HFM1: variants seen among roughly 807,000 people sequenced by gnomAD.
The protein encoded by HFM1 is probable ATP-dependent DNA helicase HFM1.
Under a neutral mutation model 192.1 loss-of-function variants are expected in HFM1, and 169 were observed. The observed-to-expected ratio is 0.88, with a 90% CI of 0.78 to 1.00. HFM1 has a LOEUF of 1.00. Ranked by LOEUF, HFM1 falls within the 50% of genes least tolerant of loss-of-function variation. The pLI, the probability that HFM1 is intolerant of heterozygous loss-of-function variation, is 0.00. For synonymous variants in HFM1, 525 were observed against 537.8 expected (o/e 0.98, Z 0.33); for missense variants, 1,661 against 1,668.0 (o/e 1.00, Z 0.07).
intron 4 of HFM1, among the ~76,000 whole-genome samples, chr1:91,388,496 T>C (rs1004391622): frequency 1.3e-5 from 2 of 152,168 alleles, no homozygotes; most frequent in Admixed American, 1.3e-4. Context: ...TGACATTCAG[T>C]AGGGAAAGAA....
intron 30 of HFM1, among the ~76,000 whole-genome samples, chr1:91,305,985 A>G (rs1038131444): frequency 6.6e-6 from 1 of 152,230 alleles, no homozygotes; most frequent in Non-Finnish European, 1.5e-5. Context: ...AAAGTGTTTA[A>G]TATTTTACTA....
chr1:91,314,797 G>C (rs1570919115), intron 28 of HFM1, among the ~76,000 whole-genome samples: 2 of 152,148 alleles, frequency 1.3e-5, no homozygotes, highest in Non-Finnish European at 2.9e-5. Context: ...GTCTCATGTA[G>C]TCATAGACTT....
At chr1:91,368,654 G>C (rs929983798) in intron 13 of HFM1, among the ~76,000 whole-genome samples, 1 of 152,182 alleles carries the variant, frequency 6.6e-6, no homozygotes, top group African/African-American at 2.4e-5. Flanking sequence ...ATGCCAAATT[G>C]TAAAGACCAT....
chr1:91,277,968 T>G (rs1283738933), intron 30 of HFM1, among the ~76,000 whole-genome samples: 5 of 141,244 alleles, frequency 3.5e-5, no homozygotes, highest in Non-Finnish European at 7.6e-5. Context: ...ATACTTTATA[T>G]ACATTATATT....
intron 28 of HFM1, among the ~76,000 whole-genome samples, chr1:91,314,470 C>A (rs547634493): frequency 1.2e-4 from 19 of 152,168 alleles, no homozygotes; most frequent in African/African-American, 4.6e-4. Context: ...GTTGCCCAGG[C>A]TGGTCTGAAA....
chr1:91,343,311 C>T (rs1348655583), intron 20 of HFM1, 119 bp downstream of exon 20: 2 of 489,450 alleles, frequency 4.1e-6, no homozygotes, highest in Non-Finnish European at 7.5e-6. Context: ...ATGATGATAC[C>T]CTGTTGAGAA....
At chr1:91,313,835 C>A in intron 29 of HFM1, 122 bp downstream of exon 29, 1 of 520,344 alleles carries the variant, frequency 1.9e-6, no homozygotes. Context: ...TTCATATTAT[C>A]TAAATATATT....
chr1:91,320,386 A>G (rs2101270676), intron 23 of HFM1, among the ~76,000 whole-genome samples: 1 of 152,310 alleles, frequency 6.6e-6, no homozygotes, highest in South Asian at 2.1e-4. Flanking sequence ...ATTTTATATC[A>G]TCTATTAAGA....
chr1:91,335,786 G>A (rs1654485522), intron 20 of HFM1, among the ~76,000 whole-genome samples: 2 of 151,962 alleles, frequency 1.3e-5, no homozygotes, highest in South Asian at 4.2e-4. Flanking sequence ...AGTGACTGAT[G>A]GCCCCAGCTG....
At chr1:91,294,140 G>A (rs905121124) in intron 30 of HFM1, among the ~76,000 whole-genome samples, 5 of 151,412 alleles carry the variant, frequency 3.3e-5, no homozygotes, top group Non-Finnish European at 7.4e-5. Flanking sequence ...CATGGCACAT[G>A]TATACATATG....
chr1:91,380,991 A>T lies in HFM1; in HGVS notation c.803-9T>A. ...ACTTCTAAATTTTGCCGCTTACAAT[A>T]ACATTAAGGAGTCAAATATTTCAGA... On this transcript the variant is annotated splice_polypyrimidine_tract_variant and intron_variant, in intron 6 of 38. Coordinates refer to ENST00000370425, the MANE Select transcript of HFM1 (RefSeq NM_001017975.6). The T allele has an allele frequency of 8.3e-7, 1 of 1,208,552 alleles. No individual in the cohort carries two copies. 74.9% of individuals were successfully genotyped at this position (1,208,552 alleles called of 1,614,324 possible).
At chr1:91,352,373 C>T in intron 16 of HFM1, 133 bp downstream of exon 16, 1 of 578,930 alleles carries the variant, frequency 1.7e-6, no homozygotes, top group Non-Finnish European at 2.9e-6. Context: ...TTTTATTCCT[C>T]CACTAAAGGT....
At position 91,352,486 on chromosome 1, in the gene HFM1, G is replaced by A; in HGVS notation, c.1977+20C>T. Reference sequence around the variant, plus strand: ...TTTATCATGTTTTTAAGTATAAAAAGCAAAGTTATTGTCACTTACTTGAGG... The same window carrying A: ...TTTATCATGTTTTTAAGTATAAAAAACAAAGTTATTGTCACTTACTTGAGG... On this transcript the variant is annotated intron_variant, in intron 16 of 38. Transcript: ENST00000370425. The A allele has an allele frequency of 6.5e-7, 1 of 1,527,592 alleles. No homozygotes were observed. The highest frequency in any genetic ancestry group is 8.8e-7 in the Non-Finnish European group (1 of 1,141,588). 94.6% of individuals were successfully genotyped at this position (1,527,592 alleles called of 1,614,324 possible).
chr1:91,329,250 G>C, intron 20 of HFM1: 1 of 1,609,686 alleles, frequency 6.2e-7, no homozygotes, highest in Non-Finnish European at 8.5e-7. Flanking sequence ...GCTGGGCCCA[G>C]AGTCTGTGGA....
Position 91,319,374 on chromosome 1 carries a change from G to T in HFM1, c.2599C>A (p.Leu867Ile), listed in dbSNP as rs1339388917. 6.2e-7 allele frequency: 1 copy of T among 1,611,124 alleles called. No homozygotes were observed. Among genetic ancestry groups the T allele is most frequent in the Non-Finnish European group, 8.5e-7 (1 of 1,177,428 alleles). The change falls in exon 24 of 39, where the codon CTA becomes ATA. Residue 867 changes from leucine to isoleucine, a missense_variant. Coordinates refer to ENST00000370425, the MANE Select transcript of HFM1 (RefSeq NM_001017975.6). ...MKVNCLIQAQ[L>I]GCIPIQDFAL... Reference sequence around the variant, plus strand: ...AAATCTTGTATGGGAATGCATCCTAGTTGAGCCTGAATAAGACTGGGGGAA... The same window carrying T: ...AAATCTTGTATGGGAATGCATCCTATTTGAGCCTGAATAAGACTGGGGGAA...
At chr1:91,267,015 T>A (rs1476691416) in intron 35 of HFM1, among the ~76,000 whole-genome samples, 3 of 152,214 alleles carry the variant, frequency 2.0e-5, no homozygotes, top group Non-Finnish European at 4.4e-5. Context: ...AAGTGGTATC[T>A]ATAATTGTGG....
chr1:91,296,201 G>C (rs569646737), intron 30 of HFM1, among the ~76,000 whole-genome samples: 1 of 152,208 alleles, frequency 6.6e-6, no homozygotes, highest in Non-Finnish European at 1.5e-5. Flanking sequence ...TTGCAGGCGT[G>C]AGCCACCGCG....
At chr1:91,264,900 T>A (rs1665599346) in intron 36 of HFM1, among the ~76,000 whole-genome samples, 1 of 152,218 alleles carries the variant, frequency 6.6e-6, no homozygotes, top group Admixed American at 6.5e-5. Context: ...ATGTTTCCTA[T>A]ATCCTTAAAT....
intron 20 of HFM1, chr1:91,328,792 C>A (rs1182135144): frequency 6.2e-7 from 1 of 1,611,096 alleles, no homozygotes; most frequent in Non-Finnish European, 8.5e-7. Context: ...CTAAGCAGCA[C>A]AACGATAAGT....
Sources: allele counts gnomAD v4.1 joint callset (sites outside exome capture counted in the v4.1 genomes callset), GRCh38; gene constraint gnomAD v4.1.1; transcripts MANE v1.5; gene names NCBI Gene and HGNC (gene_info 2026-07-23, HGNC 2026-07-21).